The following NF1 variants were observed in gnomAD, a reference collection of about 807,000 sequenced individuals.
NF1 encodes the protein neurofibromin.
NF1 carries 122 observed loss-of-function variants against 325.7 expected under a neutral mutation model. That is an observed-to-expected ratio of 0.37 (90% confidence interval 0.32 to 0.44). NF1 has a LOEUF of 0.44. NF1 is among the 20% of genes least tolerant of loss of function. NF1 has a pLI of 1.00. For synonymous variants in NF1, 1,091 were observed against 1,186.0 expected, an observed-to-expected ratio of 0.92 and a Z score of 1.65; for missense variants, 2,140 against 3,415.4, an observed-to-expected ratio of 0.63 and a Z score of 9.31.
At chr17:31,220,133 G>A (rs1380880841) in intron 14 of NF1, among the ~76,000 whole-genome samples, 2 of 152,080 alleles carry the variant, frequency 1.3e-5, no homozygotes, top group African/African-American at 4.8e-5. Context: ...TTCTGAAGCA[G>A]CTGTATCATT....
At chr17:31,144,102 C>A (rs942076176) in intron 1 of NF1, among the ~76,000 whole-genome samples, 2 of 152,184 alleles carry the variant, frequency 1.3e-5, no homozygotes, top group Non-Finnish European at 2.9e-5. Flanking sequence ...GGATTACAGG[C>A]TTGAGCCACT....
chr17:31,160,594 A>G (rs2065745893), intron 3 of NF1, among the ~76,000 whole-genome samples: 1 of 152,214 alleles, frequency 6.6e-6, no homozygotes, highest in South Asian at 2.1e-4. Context: ...GGAACTGGGA[A>G]GATGGGCAAA....
chr17:31,096,493 GT>G (rs962942247), intron 1 of NF1, among the ~76,000 whole-genome samples: 7 of 152,172 alleles, frequency 4.6e-5, no homozygotes, highest in Non-Finnish European at 7.3e-5. Context: ...GTTTAACTTT[GT>G]GTTGCTGTAG....
rs1555534422 is a variant in NF1 at position 31,334,965 on chromosome 17, A to G, written c.5940A>G (p.Thr1980=). The G allele has an allele frequency of 5.6e-6, 9 of 1,613,704 alleles. No individual in the cohort carries two copies. Among genetic ancestry groups the G allele is most frequent in the Non-Finnish European group, 7.6e-6 (9 of 1,179,966 alleles). The change falls in exon 40 of 58, where the codon ACA becomes ACG. Residue 1980 remains threonine (T), a synonymous_variant. Transcript: ENST00000358273. The part of the protein sequence containing the change: ...RVTAILDKLI[T]MTINEKQMYP... Reference sequence around the variant, plus strand: ...CTGCTATTCTTGACAAGCTGATAACAATGACCATCAATGAAAAACAGATGT... The same window carrying G: ...CTGCTATTCTTGACAAGCTGATAACGATGACCATCAATGAAAAACAGATGT...
chr17:31,132,785 G>A (rs993656038), intron 1 of NF1, among the ~76,000 whole-genome samples: 1 of 151,976 alleles, frequency 6.6e-6, no homozygotes, highest in East Asian at 1.9e-4. Flanking sequence ...TCCTGCCTCA[G>A]CCACCCAAGT....
At chr17:31,323,831 A>ATC (rs895148829) in intron 36 of NF1, among the ~76,000 whole-genome samples, 6 of 151,000 alleles carry the variant, frequency 4.0e-5, no homozygotes, top group South Asian at 2.1e-4. Flanking sequence ...GTTTGTGTTA[A>ATC]TCTCTCTCTC....
At chr17:31,178,622 C>G (rs1337821315) in intron 5 of NF1, among the ~76,000 whole-genome samples, 4 of 152,148 alleles carry the variant, frequency 2.6e-5, no homozygotes, top group Non-Finnish European at 5.9e-5. Flanking sequence ...AGACCCATCT[C>G]ACATGCAAAG....
At chr17:31,284,983 G>T (rs2068196711) in intron 36 of NF1, among the ~76,000 whole-genome samples, 1 of 152,116 alleles carries the variant, frequency 6.6e-6, no homozygotes, top group African/African-American at 2.4e-5. Context: ...AGCCGGGCAT[G>T]CTTTGCGCGC....
chr17:31,345,542 G>C, intron 48 of NF1: 6 of 1,560,392 alleles, frequency 3.8e-6, no homozygotes, highest in Non-Finnish European at 4.3e-6. Context: ...TCCTGCGCGC[G>C]GTCATCCTCG....
At chr17:31,179,700 G>A (rs746095495) in intron 5 of NF1, among the ~76,000 whole-genome samples, 10 of 151,774 alleles carry the variant, frequency 6.6e-5, no homozygotes, top group African/African-American at 1.9e-4. Context: ...GGAGAATGGC[G>A]TGCACCCGGG....
intron 1 of NF1, among the ~76,000 whole-genome samples, chr17:31,115,474 A>G (rs574843926): frequency 2.4e-4 from 37 of 152,318 alleles, no homozygotes; most frequent in African/African-American, 8.7e-4. Flanking sequence ...CTGCTAATGG[A>G]ATTTTTAGGA....
In NF1 at chr17:31,121,434, T is replaced by C. The variant is rs531801268; in HGVS notation, c.60+26065T>C. On this transcript the variant is annotated intron_variant, in intron 1 of 57. Transcript: ENST00000358273. ...TTTTTTTTTTGAGATGGAGTTTCGCTCTGTCACCCAGGCTGGAGTGCAGAG... is the reference window on the plus strand; with the variant it reads ...TTTTTTTTTTGAGATGGAGTTTCGCCCTGTCACCCAGGCTGGAGTGCAGAG... Among the ~76,000 whole-genome samples the C allele has an allele frequency of 1.8e-3, 249 of 140,318 alleles. 2 individuals are homozygous for C. The highest frequency in any genetic ancestry group is 6.4e-3 in the African/African-American group (231 of 36,368). The allele number at this position is 140,318 out of a possible 152,430, so 92.1% of individuals were successfully genotyped here.
intron 36 of NF1, among the ~76,000 whole-genome samples, chr17:31,285,276 T>TAA (rs1347729466): frequency 2.0e-4 from 15 of 74,518 alleles, no homozygotes; most frequent in African/African-American, 9.1e-4. Context: ...GAGATTCTGT[T>TAA]TAAAAAAAAA....
At chr17:31,135,974 C>T (rs1004476057) in intron 1 of NF1, among the ~76,000 whole-genome samples, 1 of 152,030 alleles carries the variant, frequency 6.6e-6, no homozygotes, top group African/African-American at 2.4e-5. Flanking sequence ...CTGCTTGAAG[C>T]ATATTCTTTA....
intron 11 of NF1, 45 bp from the exon 12 acceptor site, chr17:31,206,195 G>T (rs183785317): frequency 5.0e-6 from 8 of 1,610,228 alleles, no homozygotes; most frequent in Non-Finnish European, 6.8e-6. Flanking sequence ...TACAACTCAC[G>T]TAATTTTGTA....
At chr17:31,334,050 G>A (rs1003535716) in intron 39 of NF1, among the ~76,000 whole-genome samples, 5 of 152,190 alleles carry the variant, frequency 3.3e-5, no homozygotes, top group African/African-American at 1.2e-4. Flanking sequence ...ACTTTGGGAG[G>A]CCGAGGCGGG....
chr17:31,324,515 A>G (rs1421381953), intron 36 of NF1, among the ~76,000 whole-genome samples: 1 of 152,206 alleles, frequency 6.6e-6, no homozygotes, highest in African/African-American at 2.4e-5. Context: ...CTTACTATGA[A>G]TAGTAGAACT....
Position 31,358,960 on chromosome 17 carries a change from T to C in NF1, c.8114-9T>C, listed in dbSNP as rs1597868711. On this transcript the variant is annotated splice_polypyrimidine_tract_variant and intron_variant, in intron 55 of 57. Coordinates refer to ENST00000358273, the MANE Select transcript of NF1 (RefSeq NM_001042492.3). The stretch of plus-strand genomic sequence containing the variant: ...GCTTGTTATAAGAGTAAAATTTGAT[T>C]TGTTGCAGGTTTTGGTTTTAATGGC... The C allele has an allele frequency of 6.2e-7, 1 of 1,612,590 alleles. No homozygotes were observed. The highest frequency in any genetic ancestry group is 1.3e-5 in the African/African-American group (1 of 74,902).
intron 36 of NF1, among the ~76,000 whole-genome samples, chr17:31,275,607 G>A (rs2067991569): frequency 6.6e-6 from 1 of 152,148 alleles, no homozygotes; most frequent in Non-Finnish European, 1.5e-5. Flanking sequence ...TGTGGTTTCA[G>A]GTATCCCTGA....
Sources: allele counts gnomAD v4.1 joint callset (sites outside exome capture counted in the v4.1 genomes callset), GRCh38; gene constraint gnomAD v4.1.1; transcripts MANE v1.5; gene names NCBI Gene and HGNC (gene_info 2026-07-23, HGNC 2026-07-21).